Variants in SMYD3 observed in about 807,000 individuals in gnomAD.
The protein encoded by SMYD3 is SET and MYND domain containing 3.
SMYD3 carries 36 observed loss-of-function variants against 57.7 expected under a neutral mutation model. That is an observed-to-expected ratio of 0.62 (90% CI 0.48 to 0.82). The LOEUF (loss-of-function observed/expected upper bound fraction) is 0.82, where lower values mean the gene tolerates loss of function less well. SMYD3 is among the 40% of genes least tolerant of loss of function. SMYD3 has a pLI of 0.00. For missense variants in SMYD3, 515 were observed against 538.8 expected (o/e 0.96, Z 0.44); for synonymous variants, 211 against 195.0 (o/e 1.08, Z -0.68).
At chr1:246,211,296 T>C (rs564542648) in intron 5 of SMYD3, among the ~76,000 whole-genome samples, 1 of 152,266 alleles carries the variant, frequency 6.6e-6, no homozygotes, top group East Asian at 1.9e-4. Context: ...TGCTACCTCA[T>C]GGGATATGAA....
At chr1:245,957,405 C>T (rs1295261432) in intron 5 of SMYD3, among the ~76,000 whole-genome samples, 3 of 152,182 alleles carry the variant, frequency 2.0e-5, no homozygotes, top group Non-Finnish European at 4.4e-5. Flanking sequence ...TCCACTGTAA[C>T]ATTTCTTTCT....
intron 5 of SMYD3, among the ~76,000 whole-genome samples, chr1:246,210,050 T>A (rs2063062964): frequency 6.6e-6 from 1 of 152,116 alleles, no homozygotes; most frequent in African/African-American, 2.4e-5. Flanking sequence ...CAGAATCACC[T>A]AGAGAGCCTG....
intron 7 of SMYD3, among the ~76,000 whole-genome samples, chr1:245,918,023 G>A (rs1414981713): frequency 6.6e-6 from 1 of 152,172 alleles, no homozygotes; most frequent in Non-Finnish European, 1.5e-5. Flanking sequence ...AAGCTGTAGG[G>A]GTGATGGTGG....
intron 1 of SMYD3, among the ~76,000 whole-genome samples, chr1:246,441,736 C>A (rs2067473955): frequency 6.6e-6 from 1 of 152,160 alleles, no homozygotes; most frequent in African/African-American, 2.4e-5. Context: ...CTCTGCCTCC[C>A]AAGTAGCCGA....
chr1:245,930,028 G>C, intron 5 of SMYD3, 91 bp from the exon 6 acceptor site: 1 of 1,062,028 alleles, frequency 9.4e-7, no homozygotes, highest in Non-Finnish European at 1.4e-6. Flanking sequence ...CCCAAATGTA[G>C]GAGCATCTTA....
At chr1:246,470,355 G>A (rs1183681842) in intron 1 of SMYD3, among the ~76,000 whole-genome samples, 1 of 151,876 alleles carries the variant, frequency 6.6e-6, no homozygotes, top group Non-Finnish European at 1.5e-5. Context: ...AATTAGCTGG[G>A]TGTAGTGGCA....
chr1:245,855,356 T>C (rs889704865), intron 10 of SMYD3, among the ~76,000 whole-genome samples: 1 of 152,166 alleles, frequency 6.6e-6, no homozygotes, highest in Non-Finnish European at 1.5e-5. Context: ...ACAGTGGTGC[T>C]ATCAAAGGCT....
intron 5 of SMYD3, among the ~76,000 whole-genome samples, chr1:245,994,421 A>G (rs10802312): frequency 0.5 from 75,752 of 151,860 alleles, 22,720 homozygotes; most frequent in Middle Eastern, 0.69. Flanking sequence ...GGCCCTGGCC[A>G]TCGGGTTACT....
Position 246,507,070 on chromosome 1 carries a change from C to A in SMYD3, c.148G>T (p.Asp50Tyr). ...VCKGSRGVVC[D>Y]RCLLGKEKLM... ...CTTACGCACCCGAGAAGGCAGCGGT[C>A]GCAGACGACGCCACGACTCCCCTTG... The change falls in exon 1 of 12, where the codon GAC becomes TAC. Residue 50 changes from aspartate (D) to tyrosine (Y), a missense_variant. Physicochemically the swap from Asp to Tyr is radical, Grantham distance 160. Coordinates refer to ENST00000490107, the MANE Select transcript of SMYD3 (RefSeq NM_001167740.2). 1 of 1,508,048 alleles carries A rather than the reference C, an allele frequency of 6.6e-7. No individual in the cohort carries two copies. The highest frequency in any genetic ancestry group is 8.9e-7 in the Non-Finnish European group (1 of 1,127,990). The allele number at this position is 1,508,048 out of a possible 1,614,324, so 93.4% of individuals were successfully genotyped here.
intron 10 of SMYD3, among the ~76,000 whole-genome samples, chr1:245,798,402 A>AC (rs1251256558): frequency 1.6e-5 from 2 of 126,634 alleles, no homozygotes; most frequent in Non-Finnish European, 3.3e-5. Flanking sequence ...ACACACACAC[A>AC]CACATACACA....
At chr1:246,099,554 C>G (rs2060974592) in intron 5 of SMYD3, among the ~76,000 whole-genome samples, 1 of 152,122 alleles carries the variant, frequency 6.6e-6, no homozygotes, top group Admixed American at 6.5e-5. Flanking sequence ...ACTGGATTCA[C>G]TGACAACTGG....
intron 5 of SMYD3, among the ~76,000 whole-genome samples, chr1:246,205,299 G>A (rs573742050): frequency 6.6e-5 from 10 of 152,300 alleles, no homozygotes; most frequent in African/African-American, 2.4e-4. Context: ...TGACCAGGAA[G>A]CTTCCAGTGT....
chr1:246,280,875 G>A (rs910862931), intron 5 of SMYD3, among the ~76,000 whole-genome samples: 3 of 152,148 alleles, frequency 2.0e-5, no homozygotes, highest in Admixed American at 6.5e-5. Flanking sequence ...AAAACAAAAC[G>A]TGGGACAAAG....
intron 5 of SMYD3, among the ~76,000 whole-genome samples, chr1:246,295,705 G>C (rs2064780573): frequency 6.6e-6 from 1 of 152,132 alleles, no homozygotes; most frequent in Non-Finnish European, 1.5e-5. Context: ...TACAGCAAGA[G>C]ACCCTCAGGT....
intron 1 of SMYD3, among the ~76,000 whole-genome samples, chr1:246,491,408 C>T (rs989949091): frequency 6.6e-6 from 1 of 152,148 alleles, no homozygotes; most frequent in South Asian, 2.1e-4. Context: ...AGCATGGTAG[C>T]GGACACCGGT....
At chr1:246,481,625 T>TAC (rs1553354812) in intron 1 of SMYD3, among the ~76,000 whole-genome samples, 14 of 90,428 alleles carry the variant, frequency 1.5e-4, no homozygotes, top group African/African-American at 7.8e-4. Context: ...CATATATACA[T>TAC]ACATACATAC....
At chr1:246,362,954 G>A (rs2066022784) in intron 1 of SMYD3, among the ~76,000 whole-genome samples, 1 of 147,244 alleles carries the variant, frequency 6.8e-6, no homozygotes, top group South Asian at 2.2e-4. Context: ...CCCTCTGCCT[G>A]GCTGCCCAGT....
chr1:245,786,733 GA>G (rs983046518), intron 10 of SMYD3, among the ~76,000 whole-genome samples: 10 of 150,680 alleles, frequency 6.6e-5, no homozygotes, highest in Admixed American at 1.3e-4. Flanking sequence ...AAAAGTGTTA[GA>G]AAAATGTGAA....
intron 5 of SMYD3, among the ~76,000 whole-genome samples, chr1:246,198,598 G>A (rs1369441146): frequency 6.6e-6 from 1 of 152,136 alleles, no homozygotes; most frequent in Non-Finnish European, 1.5e-5. Flanking sequence ...TACAGCAATT[G>A]CAGTGGCTTT....
Sources: allele counts gnomAD v4.1 joint callset (sites outside exome capture counted in the v4.1 genomes callset), GRCh38; gene constraint gnomAD v4.1.1; transcripts MANE v1.5; gene names NCBI Gene and HGNC (gene_info 2026-07-23, HGNC 2026-07-21).